The following NALF1 variants were observed in gnomAD, a reference collection of about 807,000 sequenced individuals.
The protein encoded by NALF1 is NALCN channel auxiliary factor 1, also known as family with sequence similarity 155 member A.
Under a neutral mutation model 48.4 loss-of-function variants are expected in NALF1, and 3 were observed. That is an observed-to-expected ratio of 0.06 (90% CI 0.03 to 0.16). The LOEUF (loss-of-function observed/expected upper bound fraction) is 0.16. NALF1 is among the 10% of genes least tolerant of loss of function. The pLI, the probability that NALF1 is intolerant of heterozygous loss-of-function variation, is 1.00. For synonymous variants in NALF1, 262 were observed against 245.7 expected (o/e 1.07, Z -0.62); for missense variants, 526 against 571.5 (o/e 0.92, Z 0.81).
chr13:107,505,096 A>G (rs1875651915), intron 1 of NALF1, among the ~76,000 whole-genome samples: 1 of 152,232 alleles, frequency 6.6e-6, no homozygotes. Flanking sequence ...ATTAGAGATG[A>G]CTTTGAGGAC....
intron 2 of NALF1, among the ~76,000 whole-genome samples, chr13:107,177,690 A>G (rs959753157): frequency 6.6e-6 from 1 of 152,244 alleles, no homozygotes; most frequent in African/African-American, 2.4e-5. Flanking sequence ...CTAGATATCC[A>G]TATGCAGAAG....
At position 107,796,302 on chromosome 13, in the gene NALF1, C is replaced by T. The variant is rs540099583; in HGVS notation, c.915+69380G>A. Among the ~76,000 whole-genome samples the T allele has an allele frequency of 2.0e-5, 3 of 152,218 alleles. No homozygotes were observed. In the South Asian group the frequency reaches 6.2e-4, roughly 32 times the overall value. ...CATCAAATAACATCCAATTTGTCAA[C>T]ATTTATCTTTTATTTTTCTGGGATT... is the stretch of plus-strand genomic sequence containing the variant. On this transcript the variant is annotated intron_variant, in intron 1 of 2. Transcript: ENST00000375915.
intron 1 of NALF1, among the ~76,000 whole-genome samples, chr13:107,770,821 A>T (rs16971086): frequency 6.6e-6 from 1 of 151,994 alleles, no homozygotes; most frequent in African/African-American, 2.4e-5. Flanking sequence ...CCTGACTTAC[A>T]TTTTTCTCTT....
intron 1 of NALF1, among the ~76,000 whole-genome samples, chr13:107,552,019 G>A (rs1468852358): frequency 6.6e-6 from 1 of 152,080 alleles, no homozygotes; most frequent in South Asian, 2.1e-4. Flanking sequence ...GTGTCAAGAA[G>A]TAAAAATTAT....
intron 1 of NALF1, among the ~76,000 whole-genome samples, chr13:107,273,539 G>A (rs1881218419): frequency 6.6e-6 from 1 of 152,098 alleles, no homozygotes; most frequent in Non-Finnish European, 1.5e-5. Flanking sequence ...CAATGGCCCA[G>A]GATTATTGGA....
chr13:107,373,906 AATT>A (rs1191720060), intron 1 of NALF1, among the ~76,000 whole-genome samples: 7 of 152,192 alleles, frequency 4.6e-5, no homozygotes. Context: ...TCATTGAAAA[AATT>A]ATGAGACTGC....
chr13:107,188,645 T>C (rs1879224610), intron 2 of NALF1, among the ~76,000 whole-genome samples: 1 of 152,170 alleles, frequency 6.6e-6, no homozygotes, highest in Non-Finnish European at 1.5e-5. Flanking sequence ...CATCTAATAT[T>C]AATAGAATTA....
chr13:107,736,435 T>C (rs931654463), intron 1 of NALF1, among the ~76,000 whole-genome samples: 1 of 152,136 alleles, frequency 6.6e-6, no homozygotes, highest in African/African-American at 2.4e-5. Flanking sequence ...AATAAGATGC[T>C]GCAACTCAGT....
intron 1 of NALF1, among the ~76,000 whole-genome samples, chr13:107,627,060 T>A (rs1005817737): frequency 1.3e-5 from 2 of 152,134 alleles, no homozygotes; most frequent in African/African-American, 4.8e-5. Flanking sequence ...AATTTCAAAA[T>A]GGCATAGTAC....
intron 1 of NALF1, among the ~76,000 whole-genome samples, chr13:107,224,311 T>C (rs1374183356): frequency 6.6e-6 from 1 of 151,618 alleles, no homozygotes; most frequent in African/African-American, 2.4e-5. Context: ...TGTAATAAAA[T>C]CTGGTCATTT....
chr13:107,500,674 A>C (rs563191627), intron 1 of NALF1, among the ~76,000 whole-genome samples: 41 of 151,038 alleles, frequency 2.7e-4, no homozygotes, highest in Non-Finnish European at 4.7e-4. Flanking sequence ...TTGTGGCACT[A>C]TTCACAATAG....
chr13:107,496,867 T>C (rs770072500), intron 1 of NALF1, among the ~76,000 whole-genome samples: 87 of 152,142 alleles, frequency 5.7e-4, no homozygotes, highest in Non-Finnish European at 1.0e-3. Context: ...TTATTCACTA[T>C]CACGAGAACA....
In NALF1 at chr13:107,604,056, A is replaced by G. The variant is rs139574765; in HGVS notation, c.915+261626T>C. Among the ~76,000 whole-genome samples the G allele has an allele frequency of 1.1e-3, 164 of 152,316 alleles. 1 individual carries two copies. The highest frequency in any genetic ancestry group is 3.6e-3 in the African/African-American group (150 of 41,570). ...TTCTCTAACCATATTCAAAGACAGA[A>G]ATGATTCATGTAGCTAAAATATGTC... On this transcript the variant is annotated intron_variant, in intron 1 of 2. Coordinates refer to ENST00000375915, the MANE Select transcript of NALF1 (RefSeq NM_001080396.3).
intron 1 of NALF1, among the ~76,000 whole-genome samples, chr13:107,631,495 T>C (rs1293378851): frequency 6.6e-6 from 1 of 152,166 alleles, no homozygotes; most frequent in Non-Finnish European, 1.5e-5. Flanking sequence ...ATGAGAAAAT[T>C]ACTTCCAAAA....
At chr13:107,589,934 C>A (rs1357513190) in intron 1 of NALF1, among the ~76,000 whole-genome samples, 1 of 151,990 alleles carries the variant, frequency 6.6e-6, no homozygotes, top group South Asian at 2.1e-4. Flanking sequence ...CTGGTAGCTA[C>A]TAGGCACTTC....
rs76129760 is a variant in NALF1, at chr13:107,648,646, C to G, written c.915+217036G>C. 3.3e-3 allele frequency among the ~76,000 whole-genome samples: 502 copies of G among 152,222 alleles called. 4 individuals are homozygous for G. Among genetic ancestry groups the G allele is most frequent in the African/African-American group, 0.011 (470 of 41,518 alleles). Reference sequence around the variant, plus strand: ...ATATAAATAAGCCTGCTATAACACCCACATGCAGGTTTTTGTGTGAGTATA... The same window carrying G: ...ATATAAATAAGCCTGCTATAACACCGACATGCAGGTTTTTGTGTGAGTATA... On this transcript the variant is annotated intron_variant, in intron 1 of 2. Coordinates refer to ENST00000375915, the MANE Select transcript of NALF1 (RefSeq NM_001080396.3).
At chr13:107,706,918 CTTTTTTTT>C (rs34091754) in intron 1 of NALF1, among the ~76,000 whole-genome samples, 3 of 101,302 alleles carry the variant, frequency 3.0e-5, no homozygotes, top group African/African-American at 1.2e-4. Flanking sequence ...CAAGGGCATT[CTTTTTTTT>C]TTTTTTTTTT....
chr13:107,605,754 T>C lies in NALF1; in HGVS notation c.915+259928A>G, dbSNP rs553908100. 6.6e-5 allele frequency among the ~76,000 whole-genome samples: 10 copies of C among 152,314 alleles called. No individual in the cohort carries two copies. In the East Asian group the frequency reaches 1.7e-3, roughly 26 times the overall value. ...CAAGGGTGTTGCAGATTAAACAAAG[T>C]GGGCTCAAGTCCCTGCTGCTGGGAA... On this transcript the variant is annotated intron_variant, in intron 1 of 2. Coordinates refer to ENST00000375915, the MANE Select transcript of NALF1 (RefSeq NM_001080396.3).
intron 1 of NALF1, among the ~76,000 whole-genome samples, chr13:107,734,171 A>AC (rs1343629427): frequency 6.6e-6 from 1 of 152,134 alleles, no homozygotes; most frequent in Non-Finnish European, 1.5e-5. Context: ...TTATGGGCAC[A>AC]CCACTGTATA....
Sources: allele counts gnomAD v4.1 joint callset (sites outside exome capture counted in the v4.1 genomes callset), GRCh38; gene constraint gnomAD v4.1.1; transcripts MANE v1.5; gene names NCBI Gene and HGNC (gene_info 2026-07-23, HGNC 2026-07-21).